WWOX: variants seen among roughly 807,000 people sequenced by gnomAD.
WWOX encodes WW domain-containing oxidoreductase.
A neutral mutation model predicts 46.2 loss-of-function variants in WWOX; 69 were observed. The observed-to-expected ratio is 1.49, with a 90% CI of 1.23 to 1.82. The LOEUF is 1.82. Ranked by LOEUF, WWOX falls within the 40% of genes most tolerant of loss-of-function variation. The pLI is 0.00. For synonymous variants in WWOX, 359 were observed against 202.6 expected (o/e 1.77, Z -6.56); for missense variants, 919 against 542.6 (o/e 1.69, Z -6.89).
chr16:78,484,683 G>C (rs2084585731), intron 8 of WWOX, among the ~76,000 whole-genome samples: 1 of 152,120 alleles, frequency 6.6e-6, no homozygotes, highest in South Asian at 2.1e-4. Flanking sequence ...TCTCTAAGCA[G>C]GTTGCTAATT....
At chr16:78,395,174 A>G (rs779221698) in intron 6 of WWOX, among the ~76,000 whole-genome samples, 3 of 152,164 alleles carry the variant, frequency 2.0e-5, no homozygotes, top group Non-Finnish European at 2.9e-5. Flanking sequence ...TAAACAGGAA[A>G]AGGGGATGTT....
At chr16:78,924,005 C>T (rs79156784) in intron 8 of WWOX, among the ~76,000 whole-genome samples, 1,933 of 151,744 alleles carry the variant, frequency 0.013, 13 homozygotes, top group African/African-American at 0.021. Flanking sequence ...TTAGTAGAGA[C>T]GGGGTTTCAC....
chr16:78,682,375 A>G (rs1250749447), intron 8 of WWOX, among the ~76,000 whole-genome samples: 5 of 152,146 alleles, frequency 3.3e-5, no homozygotes, highest in East Asian at 1.9e-4. Flanking sequence ...ACCAGTGAGG[A>G]TGAATGTTTC....
At chr16:78,551,434 C>T (rs2044169582) in intron 8 of WWOX, 1 of 151,964 alleles carries the variant, frequency 6.6e-6, no homozygotes, top group South Asian at 2.1e-4. Flanking sequence ...AGAATATTGC[C>T]CTGATGTCTG....
chr16:79,177,374 A>ATT (rs1162132241), intron 8 of WWOX, among the ~76,000 whole-genome samples: 1 of 95,152 alleles, frequency 1.1e-5, no homozygotes, highest in Non-Finnish European at 2.0e-5. Flanking sequence ...CCTTTTTTCC[A>ATT]CTCTCCCTCC....
chr16:79,136,643 G>C (rs1425726102), intron 8 of WWOX, among the ~76,000 whole-genome samples: 1 of 152,166 alleles, frequency 6.6e-6, no homozygotes, highest in Admixed American at 6.5e-5. Flanking sequence ...GTCAGTGCAT[G>C]GATTCCAGAG....
chr16:78,641,992 A>C (rs2046727008), intron 8 of WWOX, among the ~76,000 whole-genome samples: 1 of 152,200 alleles, frequency 6.6e-6, no homozygotes, highest in African/African-American at 2.4e-5. Context: ...TCCTTGGAAA[A>C]TGCAAAGAGG....
In WWOX at chr16:79,013,935, C is replaced by G. The variant is rs77320291; in HGVS notation, c.1057-197673C>G. On this transcript the variant is annotated intron_variant, in intron 8 of 8. Coordinates refer to ENST00000566780, the MANE Select transcript of WWOX (RefSeq NM_016373.4). ...GCGACAAGAACACCAGAAACACCTC[C>G]TCCCCAGAGAGGAAGAGAGGATGCT... 5.5e-3 allele frequency among the ~76,000 whole-genome samples: 833 copies of G among 152,262 alleles called. 3 individuals carry two copies. The highest frequency in any genetic ancestry group is 9.3e-3 in the Admixed American group (143 of 15,298).
chr16:78,152,455 A>T (rs945713039), intron 4 of WWOX, among the ~76,000 whole-genome samples: 2 of 152,164 alleles, frequency 1.3e-5, no homozygotes, highest in African/African-American at 2.4e-5. Flanking sequence ...TTCAAATTTG[A>T]TAGCTATGTC....
intron 8 of WWOX, among the ~76,000 whole-genome samples, chr16:78,909,578 A>G (rs1050154561): frequency 6.6e-6 from 1 of 152,202 alleles, no homozygotes; most frequent in East Asian, 1.9e-4. Context: ...AGTGAAACCC[A>G]TCATTTGACA....
chr16:78,242,119 A>C (rs1231359002), intron 5 of WWOX, among the ~76,000 whole-genome samples: 2 of 152,210 alleles, frequency 1.3e-5, no homozygotes, highest in Admixed American at 6.5e-5. Context: ...CGTCGGCCTA[A>C]CATAATTTTG....
At chr16:78,684,656 C>G (rs541872420) in intron 8 of WWOX, among the ~76,000 whole-genome samples, 2 of 152,184 alleles carry the variant, frequency 1.3e-5, no homozygotes, top group African/African-American at 2.4e-5. Context: ...GGACTCTGCC[C>G]TCATGGATGG....
intron 8 of WWOX, among the ~76,000 whole-genome samples, chr16:78,515,607 C>G (rs919792817): frequency 2.0e-5 from 3 of 152,184 alleles, no homozygotes; most frequent in African/African-American, 4.8e-5. Context: ...CTGTGCAGAG[C>G]CAGGCCGGAT....
chr16:79,154,466 C>G (rs187295310), intron 8 of WWOX, among the ~76,000 whole-genome samples: 58 of 137,918 alleles, frequency 4.2e-4, no homozygotes, highest in African/African-American at 1.5e-3. Context: ...CAAAGATAGA[C>G]ATGGACATAT....
At chr16:78,504,449 A>G (rs186240236) in intron 8 of WWOX, among the ~76,000 whole-genome samples, 1,782 of 152,324 alleles carry the variant, frequency 0.012, 33 homozygotes, top group Middle Eastern at 0.041. Context: ...CAGATTTTCA[A>G]GAATCCTCAT....
chr16:78,492,005 A>G (rs1353756468), intron 8 of WWOX, among the ~76,000 whole-genome samples: 2 of 146,812 alleles, frequency 1.4e-5, no homozygotes, highest in Admixed American at 7.1e-5. Context: ...GGAAGGTGAC[A>G]CTTGCCATTC....
chr16:78,839,877 C>T (rs988750263), intron 8 of WWOX, among the ~76,000 whole-genome samples: 3 of 152,170 alleles, frequency 2.0e-5, no homozygotes, highest in African/African-American at 7.2e-5. Context: ...CTCCCAACCC[C>T]AGGAACTAGC....
chr16:78,734,952 G>A (rs1291038300), intron 8 of WWOX, among the ~76,000 whole-genome samples: 1 of 134,264 alleles, frequency 7.4e-6, no homozygotes, highest in Non-Finnish European at 1.5e-5. Context: ...TACAACCTCA[G>A]CCTCCCAGGT....
At chr16:78,232,419 C>G (rs1204058326) in intron 5 of WWOX, among the ~76,000 whole-genome samples, 1 of 152,150 alleles carries the variant, frequency 6.6e-6, no homozygotes, top group Admixed American at 6.5e-5. Context: ...AGGTCGTTCC[C>G]TCCCCAGTAG....
Sources: allele counts gnomAD v4.1 joint callset (sites outside exome capture counted in the v4.1 genomes callset), GRCh38; gene constraint gnomAD v4.1.1; transcripts MANE v1.5; gene names NCBI Gene and HGNC (gene_info 2026-07-23, HGNC 2026-07-21).